DMXL1: variants seen among roughly 807,000 people sequenced by gnomAD.
DMXL1 encodes the protein Dmx like 1.
In DMXL1, 99 loss-of-function variants were observed where a neutral mutation model predicts 319.2. The observed-to-expected ratio is 0.31, with a 90% CI of 0.26 to 0.37. DMXL1 has a LOEUF of 0.37. DMXL1 is among the 10% of genes least tolerant of loss of function. DMXL1 has a pLI of 1.00. For synonymous variants in DMXL1, 1,385 were observed against 1,235.2 expected, an observed-to-expected ratio of 1.12 and a Z score of -2.54; for missense variants, 3,745 against 3,595.6, an observed-to-expected ratio of 1.04 and a Z score of -1.06.
intron 2 of DMXL1, among the ~76,000 whole-genome samples, chr5:119,100,905 G>T (rs989293624): frequency 6.7e-6 from 1 of 149,026 alleles, no homozygotes; most frequent in South Asian, 2.2e-4. Flanking sequence ...TCAGCCTCCC[G>T]AGTAGCTGGG....
In DMXL1 at chr5:119,216,952, G is replaced by A. The variant is rs1249089507; in HGVS notation, c.7978G>A (p.Glu2660Lys). The change falls in exon 35 of 44, where the codon GAA becomes AAA. Residue 2660 changes from glutamate (E) to lysine (K), a missense_variant. By Grantham distance (56) the Glu-to-Lys change is moderately conservative. Coordinates refer to ENST00000539542, the MANE Select transcript of DMXL1 (RefSeq NM_001290321.3). ...AGGTAAAGCAAGAATTATTCATAAG[G>A]AATCTGATATCATTACTGCGTTTGC... ...PGGKARIIHK[E>K]SDIITAFAVN... is the part of the protein sequence containing the mutation. The A allele has an allele frequency of 1.2e-6, 2 of 1,600,300 alleles. No homozygotes were observed. Among genetic ancestry groups the A allele is most frequent in the Admixed American group, 3.4e-5 (2 of 58,152 alleles).
chr5:119,210,393 T>C (rs938139526), intron 34 of DMXL1, among the ~76,000 whole-genome samples: 3 of 152,200 alleles, frequency 2.0e-5, no homozygotes, highest in Admixed American at 2.0e-4. Context: ...GTTCTAAGTG[T>C]TTTTGAGTTT....
intron 9 of DMXL1, among the ~76,000 whole-genome samples, chr5:119,125,658 G>A (rs182100102): frequency 0.01 from 1,556 of 151,214 alleles, 9 homozygotes; most frequent in Non-Finnish European, 0.015. Flanking sequence ...TCCACCTCCC[G>A]GGTTCATGCC....
intron 17 of DMXL1, among the ~76,000 whole-genome samples, 165 bp from the exon 18 acceptor site, chr5:119,148,574 A>G (rs181867878): frequency 6.6e-6 from 1 of 152,246 alleles, no homozygotes; most frequent in East Asian, 1.9e-4. Context: ...ACTTAAATAA[A>G]TATAGGCTGT....
At chr5:119,158,158 C>G (rs971553400) in intron 19 of DMXL1, among the ~76,000 whole-genome samples, 3 of 150,366 alleles carry the variant, frequency 2.0e-5, no homozygotes, top group African/African-American at 7.3e-5. Context: ...TCCCAAAGTG[C>G]TAGGATTACA....
At chr5:119,220,863 T>C (rs942896132) in intron 36 of DMXL1, 77 bp from the exon 37 acceptor site, 1 of 1,520,652 alleles carries the variant, frequency 6.6e-7, no homozygotes, top group South Asian at 1.3e-5. Flanking sequence ...AACTATAAAT[T>C]CAAATTTTAG....
intron 25 of DMXL1, among the ~76,000 whole-genome samples, chr5:119,173,672 A>ATG (rs771056976): frequency 0.019 from 2,079 of 110,142 alleles, 45 homozygotes; most frequent in African/African-American, 0.048. Context: ...AGTAGGATGT[A>ATG]TGTGTGTGTG....
chr5:119,178,605 A>G, intron 28 of DMXL1: 8 of 985,320 alleles, frequency 8.1e-6, no homozygotes, highest in Non-Finnish European at 8.4e-6. Context: ...AGCCCCCACC[A>G]GGTAGTGGTA....
In DMXL1 at chr5:119,133,507, C is replaced by G. The variant is rs1176218736; in HGVS notation, c.1583C>G (p.Ser528Cys). 1.2e-6 allele frequency: 2 copies of G among 1,605,434 alleles called. No homozygotes were observed. The highest frequency in any genetic ancestry group is 8.5e-7 in the Non-Finnish European group (1 of 1,177,016). Residue 528 changes from serine to cysteine, a missense_variant, in exon 12 of 44, where the codon TCC (serine) becomes TGC (cysteine). Ser to Cys is a moderately radical substitution (Grantham distance 112). Around this residue, in one of 4 missense-constraint regions of DMXL1, gnomAD observed 2,096 missense variants for 1,985.4 expected, o/e 1.06. Transcript: ENST00000539542. Reference sequence around the variant, plus strand: ...TCTTGATTCTAGGTGTCCTTTGTTTCCAGAATTCCAGTAGCTTTCCCCACA... The same window carrying G: ...TCTTGATTCTAGGTGTCCTTTGTTTGCAGAATTCCAGTAGCTTTCCCCACA... Reference protein sequence around the residue: ...MFRQVQVSFVSRIPVAFPTGD... With the variant: ...MFRQVQVSFVCRIPVAFPTGD...
intron 1 of DMXL1, among the ~76,000 whole-genome samples, chr5:119,085,498 G>A (rs1385853372): frequency 6.6e-6 from 1 of 152,012 alleles, no homozygotes; most frequent in Non-Finnish European, 1.5e-5. Flanking sequence ...ATACACCATT[G>A]ATGTATAGAA....
chr5:119,163,865 G>A (rs772309825), intron 19 of DMXL1, among the ~76,000 whole-genome samples: 26 of 151,862 alleles, frequency 1.7e-4, no homozygotes, highest in Non-Finnish European at 2.9e-4. Flanking sequence ...ATGAGCCAGC[G>A]CGCCCGGCCT....
intron 1 of DMXL1, among the ~76,000 whole-genome samples, chr5:119,079,369 T>C (rs1751684580): frequency 6.6e-6 from 1 of 152,258 alleles, no homozygotes. Flanking sequence ...CCGTGGATCT[T>C]ATCTATTCAG....
rs542378052 is a variant in DMXL1, at chr5:119,221,805, CAA to C, written c.8277+725_8277+726del. Among the ~76,000 whole-genome samples, 712 of 144,506 alleles carry C rather than the reference CAA, an allele frequency of 4.9e-3. 7 individuals carry two copies. Among genetic ancestry groups the C allele is most frequent in the African/African-American group, 0.017 (673 of 39,074 alleles). 94.8% of individuals were successfully genotyped at this position (144,506 alleles called of 152,430 possible). ...ATTCTTTTTTTTTTTTTAACAAAAA[CAA>C]TATATAATTTCTTAAGTTAAGCAAA... On this transcript the variant is annotated intron_variant, in intron 37 of 43. Transcript: ENST00000539542.
chr5:119,222,185 T>C (rs867240109), intron 37 of DMXL1, among the ~76,000 whole-genome samples: 1 of 152,192 alleles, frequency 6.6e-6, no homozygotes, highest in Non-Finnish European at 1.5e-5. Context: ...GCAGTATCTG[T>C]TGTAGTTGTT....
chr5:119,203,979 C>T (rs561838878), intron 33 of DMXL1, among the ~76,000 whole-genome samples: 15 of 151,940 alleles, frequency 9.9e-5, no homozygotes, highest in Admixed American at 4.6e-4. Flanking sequence ...CCCGCCACCA[C>T]GCCCAACTAA....
At chr5:119,098,191 T>G in intron 2 of DMXL1, 87 bp downstream of exon 2, 1 of 1,443,786 alleles carries the variant, frequency 6.9e-7, no homozygotes, top group Non-Finnish European at 9.3e-7. Flanking sequence ...CCTATTGAAT[T>G]AGAGACTTGG....
At chr5:119,209,161 A>C (rs1314524614) in intron 34 of DMXL1, among the ~76,000 whole-genome samples, 1 of 152,186 alleles carries the variant, frequency 6.6e-6, no homozygotes, top group Non-Finnish European at 1.5e-5. Flanking sequence ...ACTGCTTTGA[A>C]TATTCATGCA....
rs938139277 is a variant in DMXL1, at chr5:119,071,313, G to C, written c.-257G>C. 1 of 492,618 alleles carries C rather than the reference G, an allele frequency of 2.0e-6. No homozygotes were observed. Among genetic ancestry groups the C allele is most frequent in the Non-Finnish European group, 3.6e-6 (1 of 277,978 alleles). The allele number at this position is 492,618 out of a possible 1,614,324, so 30.5% of individuals were successfully genotyped here. ...GGGACCCTGAGCTTCACCTGGGCTAGCGCGGGGAGTGACAGGTGCGCGAAG... is the reference window on the plus strand; with the variant it reads ...GGGACCCTGAGCTTCACCTGGGCTACCGCGGGGAGTGACAGGTGCGCGAAG... On this transcript the variant is annotated 5_prime_UTR_variant, in exon 1 of 44. Transcript: ENST00000539542.
chr5:119,099,133 C>T (rs1453549156), intron 2 of DMXL1, among the ~76,000 whole-genome samples: 5 of 151,498 alleles, frequency 3.3e-5, no homozygotes, highest in Non-Finnish European at 5.9e-5. Context: ...TCTCGCTGTA[C>T]AACAAAAATG....
Sources: gnomAD v4.1 joint callset for allele counts (sites outside exome capture counted in the v4.1 genomes callset) on GRCh38, gnomAD v4.1.1 for gene constraint, gnomAD v4.1.1 regional missense constraint, MANE v1.5 for transcripts, NCBI Gene and HGNC (gene_info 2026-07-23, HGNC 2026-07-21) for gene names.